The following UBXN2B variants were observed in gnomAD, a reference collection of about 807,000 sequenced individuals.
The protein encoded by UBXN2B is UBX domain protein 2B.
In UBXN2B, 19 loss-of-function variants were observed where a neutral mutation model predicts 37.5. The ratio of observed to expected loss-of-function variants is 0.51; its 90% CI spans 0.35 to 0.74. The LOEUF (loss-of-function observed/expected upper bound fraction) is 0.74. Among genes scored for constraint, UBXN2B ranks in the 30% least tolerant of loss-of-function variants. UBXN2B has a pLI of 0.01. For missense variants in UBXN2B, 370 were observed against 393.2 expected, an observed-to-expected ratio of 0.94 and a Z score of 0.50; for synonymous variants, 145 against 143.8, an observed-to-expected ratio of 1.01 and a Z score of -0.06.
At chr8:58,442,878 T>C (rs1457006718) in intron 6 of UBXN2B, among the ~76,000 whole-genome samples, 2 of 152,222 alleles carry the variant, frequency 1.3e-5, no homozygotes, top group African/African-American at 4.8e-5. Context: ...TACTGTTCTC[T>C]TCAAAAGATT....
intron 1 of UBXN2B, among the ~76,000 whole-genome samples, chr8:58,411,891 GCTTA>G (rs1396925683): frequency 2.0e-5 from 3 of 152,090 alleles, no homozygotes; most frequent in Non-Finnish European, 4.4e-5. Context: ...TTTCTGACTT[GCTTA>G]CTTAAATATA....
intron 3 of UBXN2B, among the ~76,000 whole-genome samples, chr8:58,432,266 G>A (rs1342233328): frequency 2.0e-5 from 3 of 151,410 alleles, no homozygotes; most frequent in Non-Finnish European, 4.4e-5. Flanking sequence ...AAGGTGTGAG[G>A]TTGACACCAG....
intron 6 of UBXN2B, among the ~76,000 whole-genome samples, chr8:58,444,851 A>C (rs1182481103): frequency 1.3e-5 from 2 of 152,250 alleles, no homozygotes; most frequent in Non-Finnish European, 2.9e-5. Flanking sequence ...GTCAGCAGTT[A>C]GTACCAGGTA....
Position 58,449,909 on chromosome 8 carries a change from A to G in UBXN2B, c.*2358A>G, listed in dbSNP as rs1339545554. The G allele has an allele frequency of 2.6e-5, 4 of 152,206 alleles. No homozygotes were observed. The highest frequency in any genetic ancestry group is 9.7e-5 in the African/African-American group (4 of 41,442). 9.4% of individuals were successfully genotyped at this position (152,206 alleles called of 1,614,324 possible). A position where few individuals can be genotyped will look rare whatever the true frequency, so the allele number is the denominator to read the frequency against. ...TTGTCAAGAAACTTGTGGGTCTTTT[A>G]CATATGTCACAGGGATGCACTCATT... On this transcript the variant is annotated 3_prime_UTR_variant, in exon 8 of 8. Transcript: ENST00000399598.
chr8:58,425,919 A>G, intron 2 of UBXN2B: 1 of 1,272,852 alleles, frequency 7.9e-7, no homozygotes, highest in Non-Finnish European at 1.1e-6. Context: ...GTGCGCACAG[A>G]GAGAACAAAA....
At position 58,416,183 on chromosome 8, in the gene UBXN2B, A is replaced by G. The variant is rs181109841; in HGVS notation, c.85-667A>G. Among the ~76,000 whole-genome samples, 315 of 152,196 alleles carry G rather than the reference A, an allele frequency of 2.1e-3. 4 individuals are homozygous for G. The highest frequency in any genetic ancestry group is 0.014 in the Middle Eastern group (4 of 292). On this transcript the variant is annotated intron_variant, in intron 1 of 7. Coordinates refer to ENST00000399598, the MANE Select transcript of UBXN2B (RefSeq NM_001077619.2). Reference sequence around the variant, plus strand: ...TGTCAAAAGTCAGAAAAAATTCTATACAATACTGAAATATTGGATTACTTT... The same window carrying G: ...TGTCAAAAGTCAGAAAAAATTCTATGCAATACTGAAATATTGGATTACTTT...
At chr8:58,424,638 T>C in intron 2 of UBXN2B, 2 of 1,155,188 alleles carry the variant, frequency 1.7e-6, no homozygotes, top group Non-Finnish European at 2.5e-6. Flanking sequence ...TCATACACTC[T>C]AGCACTGTCT....
rs61732909 is a variant in UBXN2B at position 58,411,412 on chromosome 8, C to G, written c.27C>G (p.Pro9=). The G allele has an allele frequency of 4.6e-5, 59 of 1,269,792 alleles. No homozygotes were observed. The highest frequency in any genetic ancestry group is 5.5e-5 in the Non-Finnish European group (55 of 1,002,580). The allele number at this position is 1,269,792 out of a possible 1,614,324, so 78.7% of individuals were successfully genotyped here. A position where few individuals can be genotyped will look rare whatever the true frequency, so the allele number is the denominator to read the frequency against. Residue 9 remains proline, a synonymous_variant, in exon 1 of 8, where the codon CCC becomes CCG. Coordinates refer to ENST00000399598, the MANE Select transcript of UBXN2B (RefSeq NM_001077619.2). MAEGGGPE[P]GEQERRSSGP... ...TGGCGGAGGGCGGAGGCCCTGAGCC[C>G]GGCGAGCAGGAGAGGAGGTCTTCCG...
intron 1 of UBXN2B, among the ~76,000 whole-genome samples, chr8:58,416,070 A>C (rs1388017410): frequency 1.3e-5 from 2 of 151,880 alleles, no homozygotes; most frequent in South Asian, 2.1e-4. Flanking sequence ...AAAAAAACAA[A>C]AAAAAAAACC....
At chr8:58,433,022 A>G in intron 3 of UBXN2B, 138 bp from the exon 4 acceptor site, 1 of 576,302 alleles carries the variant, frequency 1.7e-6, no homozygotes, top group South Asian at 2.9e-5. Context: ...GTCTTATGGT[A>G]ATTTTGGTTC....
chr8:58,434,358 TATATATATATA>T, intron 4 of UBXN2B, 26 bp from the exon 5 acceptor site: 3 of 544,458 alleles, frequency 5.5e-6, no homozygotes, highest in Non-Finnish European at 5.1e-6. Flanking sequence ...AATATATATA[TATATATATATA>T]TTTTTTTTTT....
intron 3 of UBXN2B, among the ~76,000 whole-genome samples, chr8:58,432,388 T>TTC (rs890471387): frequency 7.2e-6 from 1 of 138,556 alleles, no homozygotes; most frequent in Non-Finnish European, 1.6e-5. Context: ...TTTTTTTTTT[T>TTC]TTTTTTTTTT....
At chr8:58,422,322 G>A (rs1375392624) in intron 2 of UBXN2B, among the ~76,000 whole-genome samples, 1 of 152,214 alleles carries the variant, frequency 6.6e-6, no homozygotes, top group African/African-American at 2.4e-5. Context: ...AAGAGACTGA[G>A]AGACCTCAGA....
At chr8:58,440,449 G>A (rs923064880) in intron 6 of UBXN2B, among the ~76,000 whole-genome samples, 6 of 152,170 alleles carry the variant, frequency 3.9e-5, no homozygotes, top group African/African-American at 1.4e-4. Context: ...GTGAAAGAAG[G>A]CATTGTATCT....
At chr8:58,429,116 C>T (rs999596112) in intron 2 of UBXN2B, among the ~76,000 whole-genome samples, 24 of 152,260 alleles carry the variant, frequency 1.6e-4, no homozygotes, top group African/African-American at 5.3e-4. Context: ...CCGATTTTTG[C>T]GGTAAGGTCT....
intron 1 of UBXN2B, among the ~76,000 whole-genome samples, chr8:58,415,962 G>A (rs958097389): frequency 1.3e-5 from 2 of 151,250 alleles, no homozygotes; most frequent in Non-Finnish European, 3.0e-5. Flanking sequence ...CTTCTTGGAG[G>A]TAGTTTTCAT....
intron 2 of UBXN2B, among the ~76,000 whole-genome samples, chr8:58,420,410 A>C (rs1231702381): frequency 6.6e-6 from 1 of 152,216 alleles, no homozygotes; most frequent in African/African-American, 2.4e-5. Flanking sequence ...AATTAAGTGA[A>C]TCTCTTGAAA....
intron 3 of UBXN2B, among the ~76,000 whole-genome samples, chr8:58,431,163 T>A (rs563107086): frequency 6.6e-6 from 1 of 152,310 alleles, no homozygotes; most frequent in East Asian, 1.9e-4. Flanking sequence ...CAGTCGGGTT[T>A]TCATCTCTAT....
chr8:58,415,764 T>C (rs947907249), intron 1 of UBXN2B, among the ~76,000 whole-genome samples: 1 of 152,068 alleles, frequency 6.6e-6, no homozygotes, highest in Non-Finnish European at 1.5e-5. Context: ...TTCAGTCCTT[T>C]TAGATTACCA....
Sources: allele counts gnomAD v4.1 joint callset (sites outside exome capture counted in the v4.1 genomes callset), GRCh38; gene constraint gnomAD v4.1.1; transcripts MANE v1.5; gene names NCBI Gene and HGNC (gene_info 2026-07-23, HGNC 2026-07-21).